Variants in SLC9C2 observed in about 807,000 individuals in gnomAD.
SLC9C2 encodes the protein solute carrier family 9 member C2 (putative), also known as sodium/hydrogen exchanger 11.
A neutral mutation model predicts 140.2 loss-of-function variants in SLC9C2; 75 were observed. The ratio of observed to expected loss-of-function variants is 0.53; its 90% CI spans 0.44 to 0.65. The LOEUF (loss-of-function observed/expected upper bound fraction) is 0.65. SLC9C2 is among the 30% of genes least tolerant of loss of function. The probability of loss-of-function intolerance (pLI) is 0.00; values close to 1 mark genes in which losing one functional copy is unlikely to be tolerated. For missense variants in SLC9C2, 1,074 were observed against 1,331.8 expected (o/e 0.81, Z 3.01); for synonymous variants, 375 against 420.9 (o/e 0.89, Z 1.34).
At chr1:173,516,316 C>A (rs971140721) in intron 23 of SLC9C2, among the ~76,000 whole-genome samples, 1 of 152,104 alleles carries the variant, frequency 6.6e-6, no homozygotes, top group Non-Finnish European at 1.5e-5. Flanking sequence ...ACAAGTATTC[C>A]TTTTTTAAGT....
rs773896358 is a variant in SLC9C2 at position 173,529,948 on chromosome 1, T to C, written c.2270A>G (p.Lys757Arg). 3.1e-6 allele frequency: 5 copies of C among 1,612,108 alleles called. No individual in the cohort carries two copies. The highest frequency in any genetic ancestry group is 4.2e-6 in the Non-Finnish European group (5 of 1,179,614). Residue 757 changes from lysine to arginine, a missense_variant, in exon 18 of 28, where the codon AAA becomes AGA. Physicochemically the swap from Lys to Arg is conservative, Grantham distance 26 (BLOSUM62 2). Coordinates refer to ENST00000367714, the MANE Select transcript of SLC9C2 (RefSeq NM_178527.4). The stretch of plus-strand genomic sequence containing the variant: ...GACAGCTATTTGTTTTATTAGAAGT[T>C]TGGCATCTTCTTGACTTTTGATATA... ...KGYIKSQEDA[K>R]LLIKQIAVCE... is the part of the protein sequence containing the mutation.
intron 22 of SLC9C2, 94 bp from the exon 23 acceptor site, chr1:173,517,798 A>G: frequency 9.4e-7 from 1 of 1,069,362 alleles, no homozygotes; most frequent in Non-Finnish European, 1.3e-6. Context: ...ACAACTTTCC[A>G]ATGGAAGGGA....
At position 173,576,738 on chromosome 1, in the gene SLC9C2, G is replaced by A. The variant is rs1350724298; in HGVS notation, c.825C>T (p.Gly275=). 6.2e-7 allele frequency: 1 copy of A among 1,603,318 alleles called. No homozygotes were observed. The highest frequency in any genetic ancestry group is 2.2e-5 in the East Asian group (1 of 44,816). The change falls in exon 8 of 28, where the codon GGC becomes GGT. Residue 275 remains glycine (G), a synonymous_variant. Coordinates refer to ENST00000367714, the MANE Select transcript of SLC9C2 (RefSeq NM_178527.4). ...FYIVEFLGMS[G]TLALAAVGLN... ...GTCCTACAGCGGCTAAGGCAAGAGT[G>A]CCTGACATTCCTAAAAATTCCACTG...
At chr1:173,557,278 C>T (rs1017442425) in intron 10 of SLC9C2, 62 bp downstream of exon 10, 2 of 1,502,652 alleles carry the variant, frequency 1.3e-6, no homozygotes, top group Admixed American at 2.1e-5. Flanking sequence ...GGTTCTCTGA[C>T]AAGTGGGCAA....
At chr1:173,576,157 T>A (rs928879760) in intron 8 of SLC9C2, among the ~76,000 whole-genome samples, 1 of 152,216 alleles carries the variant, frequency 6.6e-6, no homozygotes, top group Non-Finnish European at 1.5e-5. Flanking sequence ...TAATTTATCA[T>A]AGTCTTTCAG....
chr1:173,547,753 G>C lies in SLC9C2; in HGVS notation c.1493C>G (p.Thr498Arg). The change falls in exon 13 of 28, where the codon ACA (threonine) becomes AGA (arginine). Residue 498 changes from threonine (T) to arginine (R), a missense_variant. Thr to Arg is a moderately conservative substitution (Grantham distance 71). Coordinates refer to ENST00000367714, the MANE Select transcript of SLC9C2 (RefSeq NM_178527.4). ...FSHVSHNDMK[T>R]ESTTDEALME... Reference sequence around the variant, plus strand: ...TAAAGCTTCATCTGTTGTGGATTCTGTCTTCATATCATTATGTGAAACGTG... The same window carrying C: ...TAAAGCTTCATCTGTTGTGGATTCTCTCTTCATATCATTATGTGAAACGTG... 1.2e-6 allele frequency: 2 copies of C among 1,612,242 alleles called. No individual in the cohort carries two copies. Among genetic ancestry groups the C allele is most frequent in the Non-Finnish European group, 1.7e-6 (2 of 1,178,748 alleles).
At chr1:173,573,801 T>C (rs1382672522) in intron 8 of SLC9C2, among the ~76,000 whole-genome samples, 1 of 152,214 alleles carries the variant, frequency 6.6e-6, no homozygotes, top group Non-Finnish European at 1.5e-5. Flanking sequence ...TTTGAAAGTC[T>C]CTCCTGTCTG....
At chr1:173,592,829 A>G (rs1666243382) in intron 4 of SLC9C2, among the ~76,000 whole-genome samples, 1 of 152,154 alleles carries the variant, frequency 6.6e-6, no homozygotes, top group South Asian at 2.1e-4. Flanking sequence ...CTCTCTTCCT[A>G]TTTGGATGCC....
rs150138306 is a variant in SLC9C2, at chr1:173,581,230, G to A, written c.802+617C>T. Among the ~76,000 whole-genome samples the A allele has an allele frequency of 2.5e-4, 38 of 152,274 alleles. No homozygotes were observed. The East Asian group carries it at 6.4e-3, about 26-fold the overall frequency. On this transcript the variant is annotated intron_variant, in intron 7 of 27. Coordinates refer to ENST00000367714, the MANE Select transcript of SLC9C2 (RefSeq NM_178527.4). ...TTGACAGTTTGGCCACAGTTACTAC[G>A]TCTCTTAGGGACCGGGCACCTCAGT... is the stretch of plus-strand genomic sequence containing the variant.
intron 24 of SLC9C2, among the ~76,000 whole-genome samples, chr1:173,509,116 G>C (rs1001024348): frequency 8.6e-5 from 13 of 151,966 alleles, no homozygotes; most frequent in African/African-American, 2.9e-4. Context: ...CAGGATAAGA[G>C]AGCAGTTAAA....
At chr1:173,544,931 A>C (rs1662732607) in intron 13 of SLC9C2, among the ~76,000 whole-genome samples, 1 of 152,138 alleles carries the variant, frequency 6.6e-6, no homozygotes, top group African/African-American at 2.4e-5. Flanking sequence ...GGGTGCAGCA[A>C]ACCAACATGG....
intron 2 of SLC9C2, among the ~76,000 whole-genome samples, chr1:173,601,214 C>T (rs538664642): frequency 2.0e-5 from 3 of 152,248 alleles, no homozygotes; most frequent in East Asian, 3.9e-4. Context: ...TATGCCTGGG[C>T]TCTATTTGTG....
At chr1:173,530,424 CT>C (rs1473955580) in intron 17 of SLC9C2, among the ~76,000 whole-genome samples, 1 of 152,194 alleles carries the variant, frequency 6.6e-6, no homozygotes, top group Non-Finnish European at 1.5e-5. Context: ...GTCTCCTAAC[CT>C]GGGTCATAGT....
chr1:173,573,186 C>T lies in SLC9C2; in HGVS notation c.1042G>A (p.Val348Ile), dbSNP rs1664947954. 4 of 1,542,928 alleles carry T rather than the reference C, an allele frequency of 2.6e-6. No individual in the cohort carries two copies. The highest frequency in any genetic ancestry group is 3.5e-6 in the Non-Finnish European group (4 of 1,132,652). ...ACTTTAAAATATTATTCTTACCTTACCAAATTCACTGTTGTAAATAAAATG... is the reference window on the plus strand; with the variant it reads ...ACTTTAAAATATTATTCTTACCTTATCAAATTCACTGTTGTAAATAAAATG... ...IFILFTTVNL[V>I]RLLTILLVSP... Residue 348 changes from valine (V) to isoleucine (I), a missense_variant, in exon 9 of 28, where the codon GTA becomes ATA. Physicochemically the swap from Val to Ile is conservative, Grantham distance 29. Coordinates refer to ENST00000367714, the MANE Select transcript of SLC9C2 (RefSeq NM_178527.4).
intron 5 of SLC9C2, among the ~76,000 whole-genome samples, chr1:173,586,491 T>C (rs993624849): frequency 1.3e-5 from 2 of 152,156 alleles, no homozygotes. Flanking sequence ...GCTGTGTTAA[T>C]AAAACCTGAC....
chr1:173,598,145 C>G, intron 3 of SLC9C2, 113 bp from the exon 4 acceptor site: 1 of 1,163,706 alleles, frequency 8.6e-7, no homozygotes, highest in Non-Finnish European at 1.2e-6. Flanking sequence ...TTACAGCTAA[C>G]GAGAGAGTAT....
intron 9 of SLC9C2, among the ~76,000 whole-genome samples, chr1:173,558,636 T>C (rs1469274195): frequency 6.6e-6 from 1 of 152,254 alleles, no homozygotes; most frequent in African/African-American, 2.4e-5. Flanking sequence ...GGGCTTAGAA[T>C]GATGCTTTGC....
At chr1:173,531,232 T>C (rs1463170989) in intron 17 of SLC9C2, among the ~76,000 whole-genome samples, 1 of 152,190 alleles carries the variant, frequency 6.6e-6, no homozygotes, top group East Asian at 1.9e-4. Flanking sequence ...TTAAAAACCA[T>C]GGTAATATAC....
At chr1:173,537,589 T>C (rs1571500645) in intron 13 of SLC9C2, among the ~76,000 whole-genome samples, 1 of 130,260 alleles carries the variant, frequency 7.7e-6, no homozygotes, top group African/African-American at 3.5e-5. Context: ...TGTGTATATA[T>C]ATGTGTGTGT....
Sources: allele counts gnomAD v4.1 joint callset (sites outside exome capture counted in the v4.1 genomes callset), GRCh38; gene constraint gnomAD v4.1.1; transcripts MANE v1.5; gene names NCBI Gene and HGNC (gene_info 2026-07-23, HGNC 2026-07-21).